FRMD4A: variants seen among roughly 807,000 people sequenced by gnomAD.
The protein encoded by FRMD4A is FERM domain-containing protein 4A.
FRMD4A carries 29 observed loss-of-function variants against 129.1 expected under a neutral mutation model. That is an observed-to-expected ratio of 0.22 (90% CI 0.17 to 0.31). The LOEUF (loss-of-function observed/expected upper bound fraction) is 0.31, where lower values mean the gene tolerates loss of function less well. Among genes scored for constraint, FRMD4A ranks in the 10% least tolerant of loss-of-function variants. The probability of loss-of-function intolerance (pLI) is 1.00; values close to 1 mark genes in which losing one functional copy is unlikely to be tolerated. For synonymous variants in FRMD4A, 634 were observed against 571.6 expected, an observed-to-expected ratio of 1.11 and a Z score of -1.56; for missense variants, 1,272 against 1,375.8, an observed-to-expected ratio of 0.92 and a Z score of 1.19.
At chr10:13,722,166 G>A (rs902254988) in intron 12 of FRMD4A, among the ~76,000 whole-genome samples, 2 of 151,570 alleles carry the variant, frequency 1.3e-5, no homozygotes, top group African/African-American at 4.8e-5. Context: ...AGAAACACCT[G>A]TTGGAAAAGC....
chr10:13,959,574 G>A (rs1261808226), intron 2 of FRMD4A, among the ~76,000 whole-genome samples: 1 of 150,762 alleles, frequency 6.6e-6, no homozygotes, highest in Non-Finnish European at 1.5e-5. Context: ...ACCTTTTAGA[G>A]GAGGGTGTTT....
intron 2 of FRMD4A, among the ~76,000 whole-genome samples, chr10:14,280,315 C>CA (rs1182714585): frequency 2.7e-5 from 4 of 146,022 alleles, no homozygotes; most frequent in Non-Finnish European, 4.5e-5. Flanking sequence ...TCAGAAAATA[C>CA]TTTTTTTTTT....
intron 2 of FRMD4A, among the ~76,000 whole-genome samples, chr10:14,106,708 G>C (rs1428439367): frequency 1.3e-5 from 2 of 152,074 alleles, no homozygotes; most frequent in African/African-American, 4.8e-5. Flanking sequence ...CAAAGTGACT[G>C]GTAATCATTT....
At chr10:13,941,277 TG>T (rs1397262803) in intron 2 of FRMD4A, among the ~76,000 whole-genome samples, 1 of 152,182 alleles carries the variant, frequency 6.6e-6, no homozygotes, top group Non-Finnish European at 1.5e-5. Context: ...AAACCCCTTT[TG>T]CTTGGCTCCC....
chr10:13,731,649 CAA>C (rs35512356), intron 12 of FRMD4A, among the ~76,000 whole-genome samples: 19,396 of 116,374 alleles, frequency 0.17, 1,348 homozygotes, highest in Non-Finnish European at 0.2. Flanking sequence ...GACTTCATCT[CAA>C]AAAAAAAAAA....
intron 2 of FRMD4A, among the ~76,000 whole-genome samples, chr10:13,934,245 G>C (rs1055040640): frequency 6.6e-6 from 1 of 152,212 alleles, no homozygotes; most frequent in Admixed American, 6.5e-5. Context: ...CTCAAATGAT[G>C]CCTAGAACAG....
At chr10:14,120,244 T>TGC (rs1465522313) in intron 2 of FRMD4A, among the ~76,000 whole-genome samples, 2 of 149,664 alleles carry the variant, frequency 1.3e-5, no homozygotes, top group African/African-American at 4.9e-5. Context: ...CGTACACTGC[T>TGC]TTTTTTTTTC....
At chr10:14,252,940 A>G (rs1844488908) in intron 2 of FRMD4A, among the ~76,000 whole-genome samples, 1 of 152,138 alleles carries the variant, frequency 6.6e-6, no homozygotes, top group Non-Finnish European at 1.5e-5. Context: ...TCATTCATTC[A>G]TTTATTCTTT....
chr10:13,886,240 C>T (rs1313055892), intron 2 of FRMD4A, among the ~76,000 whole-genome samples: 3 of 147,000 alleles, frequency 2.0e-5, no homozygotes, highest in Non-Finnish European at 4.5e-5. Context: ...GTTTTTTTTC[C>T]CATGCGTTCC....
At chr10:14,213,960 C>T (rs1842999969) in intron 2 of FRMD4A, among the ~76,000 whole-genome samples, 1 of 152,198 alleles carries the variant, frequency 6.6e-6, no homozygotes, top group Admixed American at 6.5e-5. Flanking sequence ...TCAACTTCTG[C>T]CATGCTGTTC....
At chr10:13,844,211 C>T (rs1294695352) in intron 3 of FRMD4A, among the ~76,000 whole-genome samples, 1 of 151,894 alleles carries the variant, frequency 6.6e-6, no homozygotes, top group Non-Finnish European at 1.5e-5. Context: ...GACAGACCCA[C>T]CAAACTTAAC....
At chr10:14,032,503 G>C (rs1464231896) in intron 2 of FRMD4A, among the ~76,000 whole-genome samples, 1 of 152,220 alleles carries the variant, frequency 6.6e-6, no homozygotes, top group African/African-American at 2.4e-5. Flanking sequence ...CAGGAGAGTT[G>C]TACTTGGGAG....
intron 12 of FRMD4A, among the ~76,000 whole-genome samples, chr10:13,714,466 CAG>C (rs1223914794): frequency 1.3e-5 from 2 of 151,502 alleles, no homozygotes. Flanking sequence ...AAAAAGAAGA[CAG>C]AGGCAAGGCC....
At chr10:14,290,001 TTA>T (rs142317226) in intron 2 of FRMD4A, among the ~76,000 whole-genome samples, 2,375 of 152,124 alleles carry the variant, frequency 0.016, 46 homozygotes, top group African/African-American at 0.054. Context: ...AAAATCCTAT[TTA>T]TAATTACATC....
chr10:13,774,798 A>T (rs1588656105), intron 6 of FRMD4A, among the ~76,000 whole-genome samples: 1 of 152,178 alleles, frequency 6.6e-6, no homozygotes, highest in East Asian at 1.9e-4. Context: ...AGACCAACAC[A>T]AATAAACTGG....
chr10:13,979,161 T>G (rs887495358), intron 2 of FRMD4A, among the ~76,000 whole-genome samples: 1 of 152,160 alleles, frequency 6.6e-6, no homozygotes, highest in African/African-American at 2.4e-5. Context: ...GAGTACGTAC[T>G]TCGCAAGCAT....
intron 2 of FRMD4A, among the ~76,000 whole-genome samples, chr10:13,907,518 G>A (rs980589882): frequency 6.6e-6 from 1 of 152,108 alleles, no homozygotes; most frequent in Non-Finnish European, 1.5e-5. Flanking sequence ...TGCCACAACC[G>A]CCGATTCTTA....
chr10:14,023,233 G>A (rs117914088), intron 2 of FRMD4A, among the ~76,000 whole-genome samples: 1,733 of 152,200 alleles, frequency 0.011, 9 homozygotes, highest in Non-Finnish European at 0.019. Context: ...ATGAATGCGA[G>A]TCGCCCAGAG....
chr10:13,944,004 A>C (rs1181719022), intron 2 of FRMD4A, among the ~76,000 whole-genome samples: 1 of 152,172 alleles, frequency 6.6e-6, no homozygotes, highest in Admixed American at 6.5e-5. Context: ...TACCATTCAG[A>C]GACAACAGAA....
Sources: allele counts gnomAD v4.1 joint callset (sites outside exome capture counted in the v4.1 genomes callset), GRCh38; gene constraint gnomAD v4.1.1; transcripts MANE v1.5; gene names NCBI Gene and HGNC (gene_info 2026-07-23, HGNC 2026-07-21).